ADA2: variants seen among roughly 807,000 people sequenced by gnomAD.
ADA2 encodes adenosine deaminase 2, also known as adenosine deaminase CECR1.
ADA2 carries 29 observed loss-of-function variants against 44.2 expected under a neutral mutation model. The ratio of observed to expected loss-of-function variants is 0.66; its 90% CI spans 0.49 to 0.89. The LOEUF is 0.89. Among genes scored for constraint, ADA2 ranks in the 40% least tolerant of loss-of-function variants. The pLI, the probability that ADA2 is intolerant of heterozygous loss-of-function variation, is 0.00. For missense variants in ADA2, 637 were observed against 644.8 expected (o/e 0.99, Z 0.13); for synonymous variants, 215 against 234.9 (o/e 0.92, Z 0.77).
At chr22:17,217,727 G>A (rs778753267) in intron 1 of ADA2, among the ~76,000 whole-genome samples, 1 of 152,144 alleles carries the variant, frequency 6.6e-6, no homozygotes, top group Non-Finnish European at 1.5e-5. Flanking sequence ...AGAAGTTCTT[G>A]AACCTGGGAG....
intron 4 of ADA2, among the ~76,000 whole-genome samples, chr22:17,195,994 G>A (rs539812254): frequency 5.9e-5 from 9 of 151,814 alleles, no homozygotes; most frequent in East Asian, 3.9e-4. Flanking sequence ...TGATCTGCTC[G>A]CCTCAGCCTC....
Position 17,182,544 on chromosome 22 carries a change from G to A in ADA2, c.1239+60C>T. On this transcript the variant is annotated intron_variant, in intron 8 of 9. Transcript: ENST00000399837. Reference sequence around the variant, plus strand: ...ATAAGTTATACAGCAAAAAGTTTAAGAGAGCAGAGGTTGTGGTTAGGGGAG... The same window carrying A: ...ATAAGTTATACAGCAAAAAGTTTAAAAGAGCAGAGGTTGTGGTTAGGGGAG... 6 of 1,549,716 alleles carry A rather than the reference G, an allele frequency of 3.9e-6. No homozygotes were observed. The Admixed American group carries it at 1.0e-4, about 26-fold the overall frequency.
chr22:17,194,915 C>T (rs1245047596), intron 4 of ADA2, among the ~76,000 whole-genome samples: 1 of 151,916 alleles, frequency 6.6e-6, no homozygotes, highest in Non-Finnish European at 1.5e-5. Context: ...CCTAAATTTC[C>T]CTTTGTGAAG....
chr22:17,199,666 C>T, intron 4 of ADA2: 1 of 1,608,010 alleles, frequency 6.2e-7, no homozygotes, highest in Non-Finnish European at 8.5e-7. Context: ...GCTCAGAGAG[C>T]CCAGCGCGGT....
intron 3 of ADA2, 83 bp downstream of exon 3, chr22:17,206,988 T>A: frequency 2.0e-6 from 2 of 1,025,480 alleles, no homozygotes; most frequent in Non-Finnish European, 3.0e-6. Flanking sequence ...GATTTTTATC[T>A]ATAGGTTTGT....
intron 4 of ADA2, among the ~76,000 whole-genome samples, chr22:17,196,379 T>C: frequency 6.8e-6 from 1 of 147,184 alleles, no homozygotes; most frequent in South Asian, 2.2e-4. Context: ...ACAGGATATA[T>C]CAATAGATAT....
intron 4 of ADA2, among the ~76,000 whole-genome samples, chr22:17,198,099 G>C (rs1381729104): frequency 6.6e-6 from 1 of 152,042 alleles, no homozygotes; most frequent in African/African-American, 2.4e-5. Context: ...AGTGGGGCTG[G>C]AGGCCGACCA....
intron 1 of ADA2, among the ~76,000 whole-genome samples, chr22:17,210,537 C>T (rs540048361): frequency 1.3e-5 from 2 of 152,044 alleles, no homozygotes; most frequent in South Asian, 2.1e-4. Flanking sequence ...AGCCCTGGCT[C>T]ATGCATAAAG....
intron 4 of ADA2, chr22:17,199,439 C>CTTCCCCTCCCTCCCCTCCTCTATACTA: frequency 9.5e-7 from 1 of 1,056,664 alleles, no homozygotes; most frequent in Non-Finnish European, 1.5e-6. Flanking sequence ...CCTCTATCCT[C>CTTCCCCTCCCTCCCCTCCTCTATACTA]TTCCCCTCCA....
chr22:17,194,463 A>G (rs1233000539), intron 4 of ADA2, among the ~76,000 whole-genome samples: 2 of 152,152 alleles, frequency 1.3e-5, no homozygotes, highest in South Asian at 2.1e-4. Flanking sequence ...CCAGGCCTGC[A>G]GAACAGTACT....
At chr22:17,188,693 C>A (rs1467260171) in intron 6 of ADA2, 9 of 280,118 alleles carry the variant, frequency 3.2e-5, no homozygotes, top group Non-Finnish European at 6.2e-5. Context: ...TCCTGGCTAA[C>A]ACAGTGAAAC....
chr22:17,188,636 T>C (rs2062069563), intron 6 of ADA2, 189 bp from the exon 7 acceptor site: 2 of 426,058 alleles, frequency 4.7e-6, no homozygotes, highest in Non-Finnish European at 8.5e-6. Flanking sequence ...TCCCAGCACT[T>C]TGGGAGGCCG....
intron 6 of ADA2, among the ~76,000 whole-genome samples, chr22:17,189,633 GAA>G (rs1243412702): frequency 1.3e-5 from 2 of 152,212 alleles, no homozygotes; most frequent in Non-Finnish European, 2.9e-5. Flanking sequence ...GGGCCATGGG[GAA>G]TGAGCCCATA....
At chr22:17,200,922 G>C (rs1486501723) in intron 4 of ADA2, among the ~76,000 whole-genome samples, 4 of 150,548 alleles carry the variant, frequency 2.7e-5, no homozygotes, top group Non-Finnish European at 5.9e-5. Flanking sequence ...AGGTGGGTCA[G>C]TCCAGGATGC....
intron 1 of ADA2, among the ~76,000 whole-genome samples, chr22:17,212,472 C>G (rs1222418620): frequency 6.6e-6 from 1 of 152,140 alleles, no homozygotes; most frequent in Non-Finnish European, 1.5e-5. Flanking sequence ...CGGAGTTTCA[C>G]TATGTTGCCC....
At chr22:17,212,437 A>T (rs940573832) in intron 1 of ADA2, among the ~76,000 whole-genome samples, 20 of 151,906 alleles carry the variant, frequency 1.3e-4, no homozygotes, top group African/African-American at 4.4e-4. Flanking sequence ...AGGCCCGGCT[A>T]ATTTTTTTGT....
intron 1 of ADA2, chr22:17,214,159 C>A: frequency 1.4e-6 from 1 of 706,966 alleles, no homozygotes; most frequent in Non-Finnish European, 2.5e-6. Context: ...GACGAAATAG[C>A]CGCCTGCCCC....
intron 4 of ADA2, among the ~76,000 whole-genome samples, chr22:17,195,243 G>T (rs1173087205): frequency 6.6e-6 from 1 of 152,224 alleles, no homozygotes; most frequent in Non-Finnish European, 1.5e-5. Context: ...CTTAGGCCGG[G>T]TGTGATGGCT....
intron 4 of ADA2, among the ~76,000 whole-genome samples, chr22:17,196,844 TA>T (rs1392503593): frequency 6.6e-6 from 1 of 152,116 alleles, no homozygotes; most frequent in Non-Finnish European, 1.5e-5. Flanking sequence ...AAATAACCTT[TA>T]AAAAATATTA....
Sources: gnomAD v4.1 joint callset for allele counts (sites outside exome capture counted in the v4.1 genomes callset) on GRCh38, gnomAD v4.1.1 for gene constraint, MANE v1.5 for transcripts, NCBI Gene and HGNC (gene_info 2026-07-23, HGNC 2026-07-21) for gene names.